The following IQCH variants were observed in gnomAD, a reference collection of about 807,000 sequenced individuals.
IQCH encodes IQ motif containing H, also known as IQ domain-containing protein H.
Under a neutral mutation model 117.0 loss-of-function variants are expected in IQCH, and 98 were observed. That is an observed-to-expected ratio of 0.84 (90% CI 0.71 to 0.99). The LOEUF (loss-of-function observed/expected upper bound fraction) is 0.99, where lower values mean the gene tolerates loss of function less well. Among genes scored for constraint, IQCH ranks in the 50% least tolerant of loss-of-function variants. The pLI, the probability that IQCH is intolerant of heterozygous loss-of-function variation, is 0.00. For synonymous variants in IQCH, 412 were observed against 448.2 expected (o/e 0.92, Z 1.02); for missense variants, 1,102 against 1,243.8 (o/e 0.89, Z 1.72).
chr15:67,347,293 GAT>G (rs1384879654), intron 6 of IQCH, among the ~76,000 whole-genome samples: 1 of 150,814 alleles, frequency 6.6e-6, no homozygotes, highest in Non-Finnish European at 1.5e-5. Flanking sequence ...GACTAACCAA[GAT>G]TAAAAGAGAG....
rs1259904994 is a variant in IQCH at position 67,413,789 on chromosome 15, AC to A, written c.2098-3140del. Among the ~76,000 whole-genome samples the A allele has an allele frequency of 1.3e-5, 2 of 151,990 alleles. No individual in the cohort carries two copies. Among genetic ancestry groups the A allele is most frequent in the Non-Finnish European group, 2.9e-5 (2 of 68,012 alleles). On this transcript the variant is annotated intron_variant, in intron 14 of 20. Coordinates refer to ENST00000335894, the MANE Select transcript of IQCH (RefSeq NM_001031715.3). The surrounding 1 kb of genome is among the most constrained non-coding windows in gnomAD (Gnocchi z 5.0). ...ACCCCGCCAGTGCCTTCAGCTGTGT[AC>A]CTCTCATGGTAGGACACGATTACTC...
chr15:67,392,881 G>A (rs1971333858), intron 12 of IQCH, among the ~76,000 whole-genome samples: 1 of 151,948 alleles, frequency 6.6e-6, no homozygotes, highest in Non-Finnish European at 1.5e-5. Context: ...CTGGAGGAAG[G>A]GCCCAATAGG....
chr15:67,350,907 G>C (rs1171857216), intron 6 of IQCH, among the ~76,000 whole-genome samples: 4 of 152,178 alleles, frequency 2.6e-5, no homozygotes, highest in African/African-American at 9.7e-5. Context: ...GGAAAGCATA[G>C]GGAGCTGTAC....
At position 67,372,173 on chromosome 15, in the gene IQCH, T is replaced by G. The variant is rs764727168; in HGVS notation, c.816T>G (p.Ile272Met). The G allele has an allele frequency of 6.2e-7, 1 of 1,613,954 alleles. No homozygotes were observed. Among genetic ancestry groups the G allele is most frequent in the Admixed American group, 1.7e-5 (1 of 59,994 alleles). Residue 272 changes from isoleucine (I) to methionine (M), a missense_variant, in exon 9 of 21, where the codon ATT (isoleucine) becomes ATG (methionine). Ile to Met is a conservative substitution (Grantham distance 10). This residue lies in a region of IQCH where 452 missense variants were observed against 449.6 expected (regional missense o/e 1.01). Coordinates refer to ENST00000335894, the MANE Select transcript of IQCH (RefSeq NM_001031715.3). ...LKSLWDYDFL[I>M]YDGVIDNTAP... ...CACTGTGGGATTATGACTTTTTAAT[T>G]TATGATGGTGTCATAGACAATACAG...
chr15:67,326,708 G>A (rs1242250933), intron 4 of IQCH, among the ~76,000 whole-genome samples: 2 of 152,030 alleles, frequency 1.3e-5, no homozygotes, highest in South Asian at 2.1e-4. Context: ...AATCCACAGG[G>A]AAACATTTTT....
At chr15:67,361,629 A>G (rs1970137482) in intron 8 of IQCH, among the ~76,000 whole-genome samples, 1 of 152,180 alleles carries the variant, frequency 6.6e-6, no homozygotes, top group Admixed American at 6.5e-5. Context: ...TGTTTTCTTC[A>G]ATAACAGACA....
rs573749486 is a variant in IQCH at position 67,366,427 on chromosome 15, C to G, written c.754-5684C>G. On this transcript the variant is annotated intron_variant, in intron 8 of 20. Transcript: ENST00000335894. The surrounding 1 kb of genome is among the most constrained non-coding windows in gnomAD (Gnocchi z 4.4). ...GATTCTATTCTGTTTGATCTTCAACCAGATTTTGATCCATCGTGTGTTTTT... is the reference window on the plus strand; with the variant it reads ...GATTCTATTCTGTTTGATCTTCAACGAGATTTTGATCCATCGTGTGTTTTT... Among the ~76,000 whole-genome samples the G allele has an allele frequency of 6.6e-6, 1 of 152,232 alleles. No individual in the cohort carries two copies. The highest frequency in any genetic ancestry group is 1.9e-4 in the East Asian group (1 of 5,180).
rs2081619176 is a variant in IQCH, at chr15:67,417,989, G to A, written c.2218+938G>A. On this transcript the variant is annotated intron_variant, in intron 15 of 20. Transcript: ENST00000335894. The surrounding 1 kb of genome is among the most constrained non-coding windows in gnomAD (Gnocchi z 4.3). ...AGTGAGCTTAGATAGTGCTTATTATGGGCCAGGCACTCTTCTAAGTATATC... is the reference window on the plus strand; with the variant it reads ...AGTGAGCTTAGATAGTGCTTATTATAGGCCAGGCACTCTTCTAAGTATATC... Among the ~76,000 whole-genome samples the A allele has an allele frequency of 6.6e-6, 1 of 152,110 alleles. No individual in the cohort carries two copies. Among genetic ancestry groups the A allele is most frequent in the Admixed American group, 6.5e-5 (1 of 15,272 alleles).
chr15:67,257,512 G>T (rs7176940), intron 1 of IQCH, among the ~76,000 whole-genome samples: 1 of 152,036 alleles, frequency 6.6e-6, no homozygotes, highest in Non-Finnish European at 1.5e-5. Context: ...AAGACACTTA[G>T]GTACAAAGAA....
At chr15:67,339,251 C>T (rs1969036032) in intron 5 of IQCH, among the ~76,000 whole-genome samples, 1 of 152,012 alleles carries the variant, frequency 6.6e-6, no homozygotes, top group African/African-American at 2.4e-5. Context: ...TTTTATTAAA[C>T]ATGGATGAGG....
rs57687441 is a variant in IQCH at position 67,426,022 on chromosome 15, A to G, written c.2505+4445A>G. ...AGGGTGTGTCTTGTGTCCTTTTGAC[A>G]TGTCCTCATCATTCTTTGAGCATGT... is the stretch of plus-strand genomic sequence containing the variant. On this transcript the variant is annotated intron_variant, in intron 16 of 20. Transcript: ENST00000335894. This position sits in a 1 kb window ranked among gnomAD's most constrained non-coding sequence, Gnocchi z 5.1. Among the ~76,000 whole-genome samples, 2,351 of 152,294 alleles carry G rather than the reference A, an allele frequency of 0.015. 67 individuals carry two copies. The highest frequency in any genetic ancestry group is 0.054 in the African/African-American group (2,237 of 41,552).
At chr15:67,332,426 A>G (rs1968705143) in intron 4 of IQCH, among the ~76,000 whole-genome samples, 1 of 152,172 alleles carries the variant, frequency 6.6e-6, no homozygotes. Context: ...ATGACCCCAG[A>G]TGTAATTCAA....
Position 67,458,523 on chromosome 15 carries a change from A to G in IQCH, c.2506-6604A>G, listed in dbSNP as rs1596421423. On this transcript the variant is annotated intron_variant, in intron 16 of 20. Coordinates refer to ENST00000335894, the MANE Select transcript of IQCH (RefSeq NM_001031715.3). This position sits in a 1 kb window ranked among gnomAD's most constrained non-coding sequence, Gnocchi z 4.1. ...CCCCTCAGGGCCTCTTGTCAATGCA[A>G]TTAGAGTCACATTAGTTAGCTCACA... is the stretch of plus-strand genomic sequence containing the variant. Among the ~76,000 whole-genome samples, 1 of 152,148 alleles carries G rather than the reference A, an allele frequency of 6.6e-6. No homozygotes were observed. Among genetic ancestry groups the G allele is most frequent in the African/African-American group, 2.4e-5 (1 of 41,422 alleles).
chr15:67,344,267 G>A (rs1969292668), intron 6 of IQCH, 76 bp downstream of exon 6: 1 of 1,410,742 alleles, frequency 7.1e-7, no homozygotes, highest in Admixed American at 2.0e-5. Context: ...CCTTCTAGTA[G>A]CCAACTTTTG....
intron 17 of IQCH, among the ~76,000 whole-genome samples, chr15:67,468,349 A>G (rs1345635247): frequency 6.6e-6 from 1 of 152,220 alleles, no homozygotes; most frequent in East Asian, 1.9e-4. Context: ...GTTAATAATG[A>G]TTCTGTCTCC....
rs1420280996 is a variant in IQCH, at chr15:67,406,005, G to C, written c.2097+5700G>C. On this transcript the variant is annotated intron_variant, in intron 14 of 20. Coordinates refer to ENST00000335894, the MANE Select transcript of IQCH (RefSeq NM_001031715.3). This position sits in a 1 kb window ranked among gnomAD's most constrained non-coding sequence, Gnocchi z 4.5. ...CCTGCCTAGGAGTTTCTAGGATTCA[G>C]CTCTTGCAACCCAACTGCCTCATAT... 6.6e-6 allele frequency: 1 copy of C among 152,230 alleles called. No individual in the cohort carries two copies. Among genetic ancestry groups the C allele is most frequent in the Admixed American group, 6.5e-5 (1 of 15,270 alleles). The allele number at this position is 152,230 out of a possible 1,614,324, so 9.4% of individuals were successfully genotyped here.
Position 67,365,958 on chromosome 15 carries a change from TA to T in IQCH, c.753+6074del, listed in dbSNP as rs1970318489. Among the ~76,000 whole-genome samples, 1 of 152,062 alleles carries T rather than the reference TA, an allele frequency of 6.6e-6. No homozygotes were observed. Among genetic ancestry groups the T allele is most frequent in the Non-Finnish European group, 1.5e-5 (1 of 68,002 alleles). On this transcript the variant is annotated intron_variant, in intron 8 of 20. Transcript: ENST00000335894. This position sits in a 1 kb window ranked among gnomAD's most constrained non-coding sequence, Gnocchi z 4.4. ...AACAAAAAAAGAATACATATGTAGG[TA>T]TAGAGAATATGACAAGGTGGAGCTC... is the stretch of plus-strand genomic sequence containing the variant.
At chr15:67,469,252 C>A (rs888410354) in intron 17 of IQCH, among the ~76,000 whole-genome samples, 7 of 152,032 alleles carry the variant, frequency 4.6e-5, no homozygotes, top group African/African-American at 1.7e-4. Context: ...GAGTTCTGAT[C>A]TTCTCTTCTG....
chr15:67,468,140 C>G (rs2414959), intron 17 of IQCH, among the ~76,000 whole-genome samples: 2 of 152,162 alleles, frequency 1.3e-5, no homozygotes, highest in Non-Finnish European at 2.9e-5. Flanking sequence ...CTGTCCAAAC[C>G]GGCATCAATC....
Sources: gnomAD v4.1 joint callset for allele counts (sites outside exome capture counted in the v4.1 genomes callset) on GRCh38, gnomAD v4.1.1 for gene constraint, gnomAD v4.1.1 regional missense constraint, Gnocchi (gnomAD v3.1) non-coding constraint, MANE v1.5 for transcripts, NCBI Gene and HGNC (gene_info 2026-07-23, HGNC 2026-07-21) for gene names.